TICRR: variants seen among roughly 807,000 people sequenced by gnomAD.
TICRR encodes the protein TOPBP1 interacting checkpoint and replication regulator, also known as treslin.
A neutral mutation model predicts 178.1 loss-of-function variants in TICRR; 132 were observed. The ratio of observed to expected loss-of-function variants is 0.74; its 90% CI spans 0.64 to 0.86. TICRR has a LOEUF of 0.86. Ranked by LOEUF, TICRR falls within the 40% of genes least tolerant of loss-of-function variation. The probability of loss-of-function intolerance (pLI) is 0.00; values close to 1 mark genes in which losing one functional copy is unlikely to be tolerated. For missense variants in TICRR, 2,587 were observed against 2,334.3 expected (o/e 1.11, Z -2.23); for synonymous variants, 991 against 900.7 (o/e 1.10, Z -1.79).
At chr15:89,576,856 T>TAC (rs1962629916) in intron 1 of TICRR, among the ~76,000 whole-genome samples, 3 of 114,996 alleles carry the variant, frequency 2.6e-5, no homozygotes, top group African/African-American at 1.1e-4. Context: ...TATATATATA[T>TAC]ATATACACAC....
chr15:89,623,228 G>A (rs1358627359), intron 19 of TICRR, among the ~76,000 whole-genome samples: 2 of 152,248 alleles, frequency 1.3e-5, no homozygotes, highest in South Asian at 2.1e-4. Context: ...TGTTGAATGA[G>A]GGTGAGCAGC....
chr15:89,613,135 GTTTT>G (rs1221677017), intron 15 of TICRR, among the ~76,000 whole-genome samples: 2 of 151,648 alleles, frequency 1.3e-5, no homozygotes, highest in East Asian at 1.9e-4. Flanking sequence ...GACAAATTCT[GTTTT>G]ATTTTGTTTC....
rs368506681 is a variant in TICRR at position 89,625,013 on chromosome 15, C to T, written c.4703C>T (p.Ser1568Phe). 99 of 1,613,998 alleles carry T rather than the reference C, an allele frequency of 6.1e-5. No homozygotes were observed. The highest frequency in any genetic ancestry group is 3.2e-5 in the Non-Finnish European group (38 of 1,180,044). ...GAGGTTGAGCTGGAGATGCAAGCTT[C>T]TGGCCTTCCCAAACTTCGAATTAAG... ...TYEVELEMQASGLPKLRIKKI... is the reference protein window; with the variant it reads ...TYEVELEMQAFGLPKLRIKKI... The change falls in exon 20 of 22, where the codon TCT becomes TTT. Residue 1568 changes from serine to phenylalanine, a missense_variant. Physicochemically the swap from Ser to Phe is radical, Grantham distance 155. Transcript: ENST00000268138.
chr15:89,621,472 C>A lies in TICRR; in HGVS notation c.3234C>A (p.Ser1078Arg). 6.2e-7 allele frequency: 1 copy of A among 1,614,018 alleles called. No individual in the cohort carries two copies. Among genetic ancestry groups the A allele is most frequent in the African/African-American group, 1.3e-5 (1 of 75,042 alleles). ...LLFGAMSEMI[S>R]PSEKGSARMK... ...TTGGGGCAATGTCTGAGATGATCAG[C>A]CCCTCAGAAAAGGGTTCAGCTCGAA... is the stretch of plus-strand genomic sequence containing the variant. Residue 1078 changes from serine (S) to arginine (R), a missense_variant, in exon 19 of 22, where the codon AGC (serine) becomes AGA (arginine). By Grantham distance (110) the Ser-to-Arg change is moderately radical. Transcript: ENST00000268138.
At chr15:89,604,089 G>A (rs573080499) in intron 13 of TICRR, among the ~76,000 whole-genome samples, 5 of 151,854 alleles carry the variant, frequency 3.3e-5, no homozygotes, top group African/African-American at 9.7e-5. Flanking sequence ...TTAATGTCTC[G>A]CTGAGGAAAA....
intron 1 of TICRR, among the ~76,000 whole-genome samples, chr15:89,581,509 A>G (rs1353811039): frequency 2.0e-5 from 3 of 152,236 alleles, no homozygotes; most frequent in Admixed American, 6.5e-5. Context: ...TGAGCCAGAT[A>G]CAGAAGCGTA....
At chr15:89,622,703 G>A (rs924727756) in intron 19 of TICRR, among the ~76,000 whole-genome samples, 1 of 152,044 alleles carries the variant, frequency 6.6e-6, no homozygotes, top group African/African-American at 2.4e-5. Flanking sequence ...ACCCCTCCCC[G>A]CTCCACCTCC....
chr15:89,607,658 T>A (rs577515019), intron 14 of TICRR, among the ~76,000 whole-genome samples: 5 of 152,260 alleles, frequency 3.3e-5, no homozygotes, highest in African/African-American at 1.2e-4. Flanking sequence ...TTGATGTCCT[T>A]AATAACCTTA....
chr15:89,597,431 A>C (rs1266922734), intron 7 of TICRR, among the ~76,000 whole-genome samples: 1 of 151,764 alleles, frequency 6.6e-6, no homozygotes, highest in Non-Finnish European at 1.5e-5. Context: ...TTACTGAGTC[A>C]TGAGAATCGC....
chr15:89,592,254 C>A, intron 5 of TICRR, 78 bp downstream of exon 5: 3 of 1,280,318 alleles, frequency 2.3e-6, no homozygotes, highest in Non-Finnish European at 3.3e-6. Flanking sequence ...CTTAACAGAC[C>A]ACATTCTCTG....
At chr15:89,578,884 C>T (rs764231488) in intron 1 of TICRR, among the ~76,000 whole-genome samples, 6 of 152,114 alleles carry the variant, frequency 3.9e-5, no homozygotes, top group Non-Finnish European at 8.8e-5. Context: ...CCCAGCCATG[C>T]TGGGCAAAAG....
At chr15:89,592,226 A>T (rs1567042560) in intron 5 of TICRR, 50 bp downstream of exon 5, 1 of 1,537,734 alleles carries the variant, frequency 6.5e-7, no homozygotes. Flanking sequence ...ATCAACGTTC[A>T]GTTATCTGCA....
chr15:89,594,847 A>G (rs1962970628), intron 6 of TICRR, among the ~76,000 whole-genome samples: 1 of 152,184 alleles, frequency 6.6e-6, no homozygotes, highest in Admixed American at 6.5e-5. Context: ...CTTTTTAGAT[A>G]TTATTCCATC....
At chr15:89,578,656 CTCT>C (rs1204153763) in intron 1 of TICRR, among the ~76,000 whole-genome samples, 1 of 132,230 alleles carries the variant, frequency 7.6e-6, no homozygotes, top group Non-Finnish European at 1.7e-5. Context: ...ATCTCTCTCT[CTCT>C]TTTTTTTTTT....
chr15:89,576,330 C>T, intron 1 of TICRR, 90 bp downstream of exon 1: 1 of 1,225,932 alleles, frequency 8.2e-7, no homozygotes, highest in Non-Finnish European at 1.1e-6. Context: ...AGCCACAGAC[C>T]CCGAATGAGA....
chr15:89,602,237 T>C (rs1596049097), intron 12 of TICRR, among the ~76,000 whole-genome samples: 1 of 152,228 alleles, frequency 6.6e-6, no homozygotes, highest in Non-Finnish European at 1.5e-5. Flanking sequence ...CAATTTTTGT[T>C]GTACTAACAT....
rs1962605828 is a variant in TICRR, at chr15:89,575,993, T to G, written c.407T>G (p.Val136Gly). 2 of 1,606,790 alleles carry G rather than the reference T, an allele frequency of 1.2e-6. No homozygotes were observed. The change falls in exon 1 of 22, where the codon GTG (valine) becomes GGG (glycine). Residue 136 changes from valine (V) to glycine (G), a missense_variant. Val to Gly is a moderately radical substitution (Grantham distance 109, BLOSUM62 -3). Coordinates refer to ENST00000268138, the MANE Select transcript of TICRR (RefSeq NM_152259.4). ...AGCAGCGGGAGGAGACTGCTGGACG[T>G]GGAGAGCGAGGCCAAGGAGGCCGAG... ...LRSSGRRLLD[V>G]ESEAKEAEAA...
chr15:89,621,982 CTTTT>C (rs34123859), intron 19 of TICRR, among the ~76,000 whole-genome samples: 4 of 87,742 alleles, frequency 4.6e-5, no homozygotes, highest in Admixed American at 1.3e-4. Flanking sequence ...CAAACTGACT[CTTTT>C]TTTTTTTTTT....
intron 5 of TICRR, 144 bp downstream of exon 5, chr15:89,592,320 AATATATAT>A: frequency 1.7e-6 from 1 of 599,366 alleles, no homozygotes; most frequent in East Asian, 3.0e-5. Context: ...TCTCATACTT[AATATATAT>A]TGTGAGAGTA....
Sources: allele counts gnomAD v4.1 joint callset (sites outside exome capture counted in the v4.1 genomes callset), GRCh38; gene constraint gnomAD v4.1.1; transcripts MANE v1.5; gene names NCBI Gene and HGNC (gene_info 2026-07-23, HGNC 2026-07-21).